Variants in PRKG1 observed in about 807,000 individuals in gnomAD.
PRKG1 encodes protein kinase cGMP-dependent 1.
In PRKG1, 35 loss-of-function variants were observed where a neutral mutation model predicts 88.1. That is an observed-to-expected ratio of 0.40 (90% CI 0.30 to 0.53). PRKG1 has a LOEUF of 0.53. PRKG1 is among the 20% of genes least tolerant of loss of function. The pLI is 0.59. For synonymous variants in PRKG1, 303 were observed against 292.5 expected (o/e 1.04, Z -0.37); for missense variants, 540 against 839.8 (o/e 0.64, Z 4.41).
intron 2 of PRKG1, chr10:51,299,458 G>A (rs1165826742): frequency 6.6e-5 from 29 of 440,458 alleles, no homozygotes; most frequent in Non-Finnish European, 9.6e-5. Flanking sequence ...CACCCACCTC[G>A]GCCTCCCAGA....
chr10:52,223,079 T>C (rs1840287121), intron 9 of PRKG1, among the ~76,000 whole-genome samples: 1 of 152,156 alleles, frequency 6.6e-6, no homozygotes, highest in Non-Finnish European at 1.5e-5. Flanking sequence ...TATGTGAATA[T>C]TTTCCTCGCT....
At chr10:52,253,556 G>A (rs543491851) in intron 10 of PRKG1, 7 of 151,794 alleles carry the variant, frequency 4.6e-5, no homozygotes, top group African/African-American at 9.7e-5. Flanking sequence ...GTGTGCTCTC[G>A]TGTGTGTGCA....
chr10:51,257,288 T>C (rs1450245367), intron 2 of PRKG1, among the ~76,000 whole-genome samples: 1 of 152,034 alleles, frequency 6.6e-6, no homozygotes, highest in Non-Finnish European at 1.5e-5. Context: ...GCATTTTAAG[T>C]TTAGCAGAGC....
intron 3 of PRKG1, among the ~76,000 whole-genome samples, chr10:51,548,070 A>T (rs559351001): frequency 6.6e-6 from 1 of 152,108 alleles, no homozygotes; most frequent in Admixed American, 6.6e-5. Flanking sequence ...TGCCTAAATT[A>T]TGAAAGAACA....
At chr10:51,820,759 T>C (rs750739245) in intron 4 of PRKG1, among the ~76,000 whole-genome samples, 5 of 152,198 alleles carry the variant, frequency 3.3e-5, no homozygotes, top group Admixed American at 6.5e-5. Context: ...TGGGTTTTCA[T>C]GTGGATAAAG....
chr10:51,786,620 T>C (rs1324773737), intron 3 of PRKG1, among the ~76,000 whole-genome samples: 1 of 152,146 alleles, frequency 6.6e-6, no homozygotes, highest in East Asian at 1.9e-4. Context: ...TATATTGATA[T>C]TGCTTTCTTT....
At chr10:51,406,033 A>T (rs141587588) in intron 2 of PRKG1, among the ~76,000 whole-genome samples, 4 of 152,148 alleles carry the variant, frequency 2.6e-5, no homozygotes, top group Non-Finnish European at 5.9e-5. Flanking sequence ...TGCCCTGTTG[A>T]TCAGGATTCT....
intron 3 of PRKG1, among the ~76,000 whole-genome samples, chr10:51,634,335 T>C (rs1317287604): frequency 6.6e-6 from 1 of 152,094 alleles, no homozygotes; most frequent in Non-Finnish European, 1.5e-5. Context: ...TGGTGATTGA[T>C]TGGGTATAAT....
At chr10:52,093,112 C>T (rs576587227) in intron 7 of PRKG1, among the ~76,000 whole-genome samples, 1 of 152,226 alleles carries the variant, frequency 6.6e-6, no homozygotes, top group South Asian at 2.1e-4. Flanking sequence ...GGATGTAGAA[C>T]CACTGTTAGG....
At chr10:51,093,640 A>AT (rs1345906917) in intron 1 of PRKG1, among the ~76,000 whole-genome samples, 1 of 148,152 alleles carries the variant, frequency 6.7e-6, no homozygotes, top group African/African-American at 2.5e-5. Context: ...TTTTTTTCAC[A>AT]TTTTGTGAGG....
At chr10:52,019,988 G>T (rs1028878739) in intron 5 of PRKG1, among the ~76,000 whole-genome samples, 1 of 151,998 alleles carries the variant, frequency 6.6e-6, no homozygotes, top group African/African-American at 2.4e-5. Flanking sequence ...GGAAATTAAA[G>T]AAAATAATAA....
At chr10:51,048,896 A>C (rs1023015142) in intron 1 of PRKG1, among the ~76,000 whole-genome samples, 36 of 151,938 alleles carry the variant, frequency 2.4e-4, no homozygotes, top group African/African-American at 8.7e-4. Flanking sequence ...GTTACCATGC[A>C]CCGCATGTCA....
chr10:51,146,150 C>G (rs539321171), intron 1 of PRKG1, among the ~76,000 whole-genome samples: 1 of 151,796 alleles, frequency 6.6e-6, no homozygotes, highest in South Asian at 2.1e-4. Context: ...GATCACACCA[C>G]TGCACTCCAG....
intron 2 of PRKG1, among the ~76,000 whole-genome samples, chr10:51,360,051 G>A (rs867623502): frequency 4.6e-4 from 70 of 151,978 alleles, no homozygotes; most frequent in Middle Eastern, 6.8e-3. Flanking sequence ...CATAATGAGG[G>A]AAAATGTTAG....
At chr10:51,306,639 C>G (rs1841045355) in intron 2 of PRKG1, 1 of 152,134 alleles carries the variant, frequency 6.6e-6, no homozygotes, top group African/African-American at 2.4e-5. Context: ...GAAGTTTGTG[C>G]TTTGCTCTCC....
At chr10:51,576,269 T>C (rs1165799273) in intron 3 of PRKG1, among the ~76,000 whole-genome samples, 1 of 151,942 alleles carries the variant, frequency 6.6e-6, no homozygotes, top group Non-Finnish European at 1.5e-5. Context: ...AACAGTTATG[T>C]GTATGAATAT....
chr10:52,123,559 C>T (rs1847868279), intron 7 of PRKG1, among the ~76,000 whole-genome samples: 1 of 151,938 alleles, frequency 6.6e-6, no homozygotes, highest in Non-Finnish European at 1.5e-5. Context: ...TTTCATTGCT[C>T]CTTTATTTTA....
At chr10:51,804,517 G>T (rs771603677) in intron 3 of PRKG1, 68 bp from the exon 4 acceptor site, 6 of 1,066,790 alleles carry the variant, frequency 5.6e-6, no homozygotes, top group South Asian at 5.3e-5. Context: ...TCCTTTGCAG[G>T]ATGTTGTTCA....
At chr10:52,121,850 A>T (rs1057155888) in intron 7 of PRKG1, among the ~76,000 whole-genome samples, 1 of 151,386 alleles carries the variant, frequency 6.6e-6, no homozygotes, top group Non-Finnish European at 1.5e-5. Context: ...TTCCCTTAAC[A>T]CTCTGTTCAC....
Sources: allele counts gnomAD v4.1 joint callset (sites outside exome capture counted in the v4.1 genomes callset), GRCh38; gene constraint gnomAD v4.1.1; transcripts MANE v1.5; gene names NCBI Gene and HGNC (gene_info 2026-07-23, HGNC 2026-07-21).